MTURN: variants seen among roughly 807,000 people sequenced by gnomAD.
The protein encoded by MTURN is maturin, neural progenitor differentiation regulator homolog, also known as maturin.
Under a neutral mutation model 14.9 loss-of-function variants are expected in MTURN, and 7 were observed. The observed-to-expected ratio is 0.47, with a 90% confidence interval of 0.27 to 0.88. MTURN has a LOEUF of 0.88. Among genes scored for constraint, MTURN ranks in the 40% least tolerant of loss-of-function variants. The pLI is 0.14. For synonymous variants in MTURN, 69 were observed against 72.5 expected (o/e 0.95, Z 0.25); for missense variants, 151 against 174.1 (o/e 0.87, Z 0.75).
intron 1 of MTURN, among the ~76,000 whole-genome samples, chr7:30,143,950 C>T (rs1797091748): frequency 6.6e-6 from 1 of 152,240 alleles, no homozygotes; most frequent in Admixed American, 6.5e-5. Context: ...GGTTTACAAG[C>T]TTTTCATAGG....
chr7:30,157,581 C>T lies in MTURN; in HGVS notation c.*33C>T, dbSNP rs764476152. ...GGCTCCCCTGAGAAGGAGAGTGAGC[C>T]CCACAGTAACCTAGGTGGGGTCACT... On this transcript the variant is annotated 3_prime_UTR_variant, in exon 3 of 3. Transcript: ENST00000324453. 1.2e-5 allele frequency: 19 copies of T among 1,529,042 alleles called. No individual in the cohort carries two copies. Among genetic ancestry groups the T allele is most frequent in the Non-Finnish European group, 1.7e-5 (19 of 1,132,838 alleles). 94.7% of individuals were successfully genotyped at this position (1,529,042 alleles called of 1,614,324 possible). A position where few individuals can be genotyped will look rare whatever the true frequency, so the allele number is the denominator to read the frequency against.
chr7:30,146,237 T>C lies in MTURN; in HGVS notation c.223T>C (p.Ser75Pro). The change falls in exon 2 of 3, where the codon TCC becomes CCC. Residue 75 changes from serine (S) to proline (P), a missense_variant. Coordinates refer to ENST00000324453, the MANE Select transcript of MTURN (RefSeq NM_152793.3). ...CTTGCAGCTAGCACAGGATTACATC[T>C]CCTCCTGCGGCAAGAAGACGCTCCA... ...PFLQLAQDYI[S>P]SCGKKTLHEV... 6.2e-7 allele frequency: 1 copy of C among 1,614,150 alleles called. No individual in the cohort carries two copies. The highest frequency in any genetic ancestry group is 8.5e-7 in the Non-Finnish European group (1 of 1,180,040).
At chr7:30,141,019 G>C (rs1797042649) in intron 1 of MTURN, 1 of 152,402 alleles carries the variant, frequency 6.6e-6, no homozygotes, top group East Asian at 1.9e-4. Flanking sequence ...TTCCCTGTGT[G>C]ACCACAGGCA....
At chr7:30,152,771 A>G (rs1370332083) in intron 2 of MTURN, among the ~76,000 whole-genome samples, 1 of 152,216 alleles carries the variant, frequency 6.6e-6, no homozygotes, top group African/African-American at 2.4e-5. Flanking sequence ...ATGGCCTCAC[A>G]TAGTTTACAC....
At chr7:30,147,180 T>C (rs1797142290) in intron 2 of MTURN, among the ~76,000 whole-genome samples, 2 of 152,236 alleles carry the variant, frequency 1.3e-5, no homozygotes. Context: ...TGTAAGTCTG[T>C]TTGGTCTTCT....
intron 1 of MTURN, 101 bp from the exon 2 acceptor site, chr7:30,146,076 T>C: frequency 6.3e-7 from 1 of 1,599,126 alleles, no homozygotes. Flanking sequence ...CTTCTTCAAA[T>C]TGATGTTATT....
At chr7:30,137,714 G>A (rs143292632) in intron 1 of MTURN, 7 of 470,890 alleles carry the variant, frequency 1.5e-5, no homozygotes, top group African/African-American at 6.0e-5. Flanking sequence ...GCTACTGTTT[G>A]CCTCTAATAA....
chr7:30,151,616 TAAC>T (rs1313540785), intron 2 of MTURN, among the ~76,000 whole-genome samples: 1 of 152,210 alleles, frequency 6.6e-6, no homozygotes, highest in East Asian at 1.9e-4. Context: ...GTTATGGGCT[TAAC>T]AAGGAACTAT....
chr7:30,143,550 C>T (rs745877960), intron 1 of MTURN, among the ~76,000 whole-genome samples: 3 of 152,018 alleles, frequency 2.0e-5, no homozygotes, highest in East Asian at 3.9e-4. Flanking sequence ...CGTGTACACC[C>T]GAATCTGAGT....
intron 2 of MTURN, among the ~76,000 whole-genome samples, chr7:30,152,797 C>T (rs1353604925): frequency 6.6e-6 from 1 of 152,206 alleles, no homozygotes; most frequent in African/African-American, 2.4e-5. Flanking sequence ...TCCAAAAGAC[C>T]TGTAGTCGGC....
intron 2 of MTURN, among the ~76,000 whole-genome samples, chr7:30,148,530 G>A (rs1583507614): frequency 6.6e-6 from 1 of 152,242 alleles, no homozygotes; most frequent in East Asian, 1.9e-4. Flanking sequence ...GGGACAGAGA[G>A]GCCATTGAGG....
Position 30,159,553 on chromosome 7 carries a change from A to C in MTURN, c.*2005A>C, listed in dbSNP as rs1797338667. ...CAAAAAAGTGTTTAGACTTTGACCA[A>C]ATACATGTTGGTATTATCATGTTAA... On this transcript the variant is annotated 3_prime_UTR_variant, in exon 3 of 3. Coordinates refer to ENST00000324453, the MANE Select transcript of MTURN (RefSeq NM_152793.3). 6.6e-6 allele frequency: 1 copy of C among 152,658 alleles called. No homozygotes were observed. Among genetic ancestry groups the C allele is most frequent in the African/African-American group, 2.4e-5 (1 of 41,456 alleles). 9.5% of individuals were successfully genotyped at this position (152,658 alleles called of 1,614,324 possible). A position where few individuals can be genotyped will look rare whatever the true frequency, so the allele number is the denominator to read the frequency against.
At chr7:30,142,130 C>T (rs972868995) in intron 1 of MTURN, among the ~76,000 whole-genome samples, 5 of 152,112 alleles carry the variant, frequency 3.3e-5, no homozygotes, top group Admixed American at 2.0e-4. Flanking sequence ...CTGGATATTC[C>T]GATCTACATT....
chr7:30,136,017 C>A (rs1448875867), intron 1 of MTURN, among the ~76,000 whole-genome samples: 1 of 42 alleles, frequency 0.024, no homozygotes, highest in Non-Finnish European at 0.045. Context: ...CGCGCACACT[C>A]ACGCGCACAC....
intron 2 of MTURN, among the ~76,000 whole-genome samples, chr7:30,151,318 T>C (rs1343684781): frequency 6.6e-6 from 1 of 152,186 alleles, no homozygotes; most frequent in African/African-American, 2.4e-5. Flanking sequence ...CTTTGGTAAG[T>C]GTGAGTTGGA....
At chr7:30,145,850 C>A in intron 1 of MTURN, 1 of 1,541,682 alleles carries the variant, frequency 6.5e-7, no homozygotes, top group Non-Finnish European at 8.7e-7. Flanking sequence ...TGTCTGAAAA[C>A]CGCCCTTAGC....
Position 30,149,899 on chromosome 7 carries a change from A to G in MTURN, c.285+3600A>G, listed in dbSNP as rs148193741. 1.5e-3 allele frequency among the ~76,000 whole-genome samples: 223 copies of G among 152,242 alleles called. 1 individual carries two copies. The highest frequency in any genetic ancestry group is 2.4e-3 in the Non-Finnish European group (164 of 68,004). ...TCCCCTGCTCTGCCTACTGCACTCT[A>G]CTGGTTCTTGGGAGAGCTATTTCTG... On this transcript the variant is annotated intron_variant, in intron 2 of 2. Coordinates refer to ENST00000324453, the MANE Select transcript of MTURN (RefSeq NM_152793.3).
chr7:30,150,247 A>G (rs1797187973), intron 2 of MTURN, among the ~76,000 whole-genome samples: 1 of 152,240 alleles, frequency 6.6e-6, no homozygotes, highest in South Asian at 2.1e-4. Flanking sequence ...GGATGAGGAT[A>G]CTAGACAAAA....
chr7:30,151,561 A>C (rs988056962), intron 2 of MTURN, among the ~76,000 whole-genome samples: 1 of 152,250 alleles, frequency 6.6e-6, no homozygotes, highest in South Asian at 2.1e-4. Context: ...CCAATTTAGC[A>C]GTGAAACTAG....
Sources: allele counts gnomAD v4.1 joint callset (sites outside exome capture counted in the v4.1 genomes callset), GRCh38; gene constraint gnomAD v4.1.1; transcripts MANE v1.5; gene names NCBI Gene and HGNC (gene_info 2026-07-23, HGNC 2026-07-21).